ANGPTL2: variants seen among roughly 807,000 people sequenced by gnomAD.
The protein encoded by ANGPTL2 is angiopoietin-related protein 2.
ANGPTL2 carries 25 observed loss-of-function variants against 52.8 expected under a neutral mutation model. The observed-to-expected ratio is 0.47, with a 90% CI of 0.35 to 0.66. ANGPTL2 has a LOEUF of 0.66. ANGPTL2 is among the 30% of genes least tolerant of loss of function. The pLI, the probability that ANGPTL2 is intolerant of heterozygous loss-of-function variation, is 0.01. For synonymous variants in ANGPTL2, 276 were observed against 277.4 expected, an observed-to-expected ratio of 1.00 and a Z score of 0.05; for missense variants, 546 against 656.9, an observed-to-expected ratio of 0.83 and a Z score of 1.84.
rs542731406 is a variant in ANGPTL2 at position 127,111,449 on chromosome 9, G to A, written c.-49-2669C>T. Among the ~76,000 whole-genome samples the A allele has an allele frequency of 2.6e-5, 4 of 152,328 alleles. 1 individual carries two copies. Among genetic ancestry groups the A allele is most frequent in the African/African-American group, 9.6e-5 (4 of 41,576 alleles). On this transcript the variant is annotated intron_variant, in intron 1 of 4. Transcript: ENST00000373425. ...ACCACGTGGCCTGAAATACATAGGA[G>A]CTCAATAAATATTTGTTGATGGAAT...
At chr9:127,120,007 A>T (rs1231137665) in intron 1 of ANGPTL2, among the ~76,000 whole-genome samples, 4 of 152,188 alleles carry the variant, frequency 2.6e-5, no homozygotes, top group African/African-American at 9.7e-5. Flanking sequence ...AGCCCACTGG[A>T]ACCTCAGGGG....
rs115565702 is a variant in ANGPTL2 at position 127,089,812 on chromosome 9, G to A, written c.1283-674C>T. Among the ~76,000 whole-genome samples, 737 of 152,328 alleles carry A rather than the reference G, an allele frequency of 4.8e-3. 9 individuals are homozygous for A. Among genetic ancestry groups the A allele is most frequent in the African/African-American group, 0.017 (703 of 41,554 alleles). On this transcript the variant is annotated intron_variant, in intron 4 of 4. Coordinates refer to ENST00000373425, the MANE Select transcript of ANGPTL2 (RefSeq NM_012098.3). ...GTAAAAACTGTGGGAAGGTGTGCGC[G>A]GGCATGCAGGGGCAGTGCACTCTGT...
intron 3 of ANGPTL2, 88 bp from the exon 4 acceptor site, chr9:127,092,028 A>C (rs1250989950): frequency 5.3e-6 from 8 of 1,515,144 alleles, no homozygotes; most frequent in Admixed American, 1.9e-5. Context: ...CCCTGGATAG[A>C]GGGGCCTGGG....
chr9:127,097,192 C>A (rs568400889), intron 2 of ANGPTL2, among the ~76,000 whole-genome samples: 1 of 152,130 alleles, frequency 6.6e-6, no homozygotes, highest in Non-Finnish European at 1.5e-5. Flanking sequence ...TTTTTTTCTT[C>A]CGTATTTACC....
In ANGPTL2 at chr9:127,088,817, C is replaced by T; in HGVS notation, c.*122G>A. On this transcript the variant is annotated 3_prime_UTR_variant, in exon 5 of 5. Coordinates refer to ENST00000373425, the MANE Select transcript of ANGPTL2 (RefSeq NM_012098.3). ...CTGCAGTGACTTCGGAAAACAGAAT[C>T]CAGCATCCCGGTCCTCCCAGCCTCA... 8.6e-7 allele frequency: 1 copy of T among 1,160,262 alleles called. No individual in the cohort carries two copies. Among genetic ancestry groups the T allele is most frequent in the Non-Finnish European group, 1.3e-6 (1 of 797,910 alleles). 71.9% of individuals were successfully genotyped at this position (1,160,262 alleles called of 1,614,324 possible).
intron 1 of ANGPTL2, among the ~76,000 whole-genome samples, chr9:127,121,881 G>A (rs142589903): frequency 3.0e-4 from 45 of 152,276 alleles, no homozygotes; most frequent in African/African-American, 9.4e-4. Flanking sequence ...ACATTGTCCC[G>A]GCCTGGGGGC....
At chr9:127,112,136 C>T (rs2137260132) in intron 1 of ANGPTL2, among the ~76,000 whole-genome samples, 1 of 152,336 alleles carries the variant, frequency 6.6e-6, no homozygotes, top group African/African-American at 2.4e-5. Context: ...AAGCATGATT[C>T]CTATGGCCTG....
chr9:127,096,350 A>T (rs565213131), intron 2 of ANGPTL2, among the ~76,000 whole-genome samples: 2 of 152,362 alleles, frequency 1.3e-5, no homozygotes, highest in South Asian at 4.1e-4. Flanking sequence ...TCAGCAGCAC[A>T]GGAGAGGCCG....
chr9:127,108,979 G>A (rs2054537223), intron 1 of ANGPTL2, among the ~76,000 whole-genome samples, 199 bp from the exon 2 acceptor site: 1 of 152,312 alleles, frequency 6.6e-6, no homozygotes, highest in Middle Eastern at 3.4e-3. Flanking sequence ...CCCAGCAGAG[G>A]TAGAAGGGAA....
intron 2 of ANGPTL2, among the ~76,000 whole-genome samples, chr9:127,096,796 CT>C (rs1164868826): frequency 6.6e-6 from 1 of 152,204 alleles, no homozygotes; most frequent in African/African-American, 2.4e-5. Context: ...AAACTCCTTG[CT>C]CTAAGAGTAG....
At chr9:127,093,639 CCT>C in intron 3 of ANGPTL2, 92 bp downstream of exon 3, 7 of 1,463,608 alleles carry the variant, frequency 4.8e-6, no homozygotes, top group Non-Finnish European at 6.6e-6. Flanking sequence ...TCAGCATGTA[CCT>C]CTGAGTGGGC....
chr9:127,109,574 G>A (rs543995074), intron 1 of ANGPTL2, among the ~76,000 whole-genome samples: 1 of 152,208 alleles, frequency 6.6e-6, no homozygotes, highest in Non-Finnish European at 1.5e-5. Context: ...ACTGCAACGT[G>A]ATTAAGTTAG....
intron 4 of ANGPTL2, among the ~76,000 whole-genome samples, chr9:127,089,346 C>G (rs2052167127): frequency 6.6e-6 from 1 of 152,182 alleles, no homozygotes; most frequent in Non-Finnish European, 1.5e-5. Context: ...TGTGTGATCT[C>G]AGACAAGTGA....
chr9:127,120,954 C>T (rs1382193742), intron 1 of ANGPTL2, among the ~76,000 whole-genome samples: 4 of 152,134 alleles, frequency 2.6e-5, no homozygotes, highest in African/African-American at 9.7e-5. Context: ...GGCACTAAGC[C>T]AAGGCCTTCC....
intron 2 of ANGPTL2, 113 bp from the exon 3 acceptor site, chr9:127,094,039 G>GC: frequency 8.1e-7 from 1 of 1,240,778 alleles, no homozygotes; most frequent in South Asian, 1.4e-5. Flanking sequence ...GGAGCCACAG[G>GC]CCCACGGTCT....
At chr9:127,103,519 A>G (rs2053932225) in intron 2 of ANGPTL2, among the ~76,000 whole-genome samples, 1 of 152,242 alleles carries the variant, frequency 6.6e-6, no homozygotes, top group South Asian at 2.1e-4. Context: ...AAGGAACCCC[A>G]GAGGATATGT....
intron 2 of ANGPTL2, 108 bp from the exon 3 acceptor site, chr9:127,094,034 C>T: frequency 7.7e-7 from 1 of 1,299,306 alleles, no homozygotes. Flanking sequence ...AGCTGGGAGC[C>T]ACAGGCCCAC....
chr9:127,089,191 C>T (rs1009555657), intron 4 of ANGPTL2, 53 bp from the exon 5 acceptor site: 20 of 1,588,548 alleles, frequency 1.3e-5, no homozygotes, highest in Admixed American at 1.7e-5. Flanking sequence ...ATTCTACTTG[C>T]GTCCATAGTG....
intron 1 of ANGPTL2, among the ~76,000 whole-genome samples, chr9:127,115,085 G>C (rs1564609059): frequency 6.6e-6 from 1 of 152,184 alleles, no homozygotes; most frequent in Non-Finnish European, 1.5e-5. Flanking sequence ...GAATTTGGGT[G>C]CCCAGCTGTA....
Sources: allele counts gnomAD v4.1 joint callset (sites outside exome capture counted in the v4.1 genomes callset), GRCh38; gene constraint gnomAD v4.1.1; transcripts MANE v1.5; gene names NCBI Gene and HGNC (gene_info 2026-07-23, HGNC 2026-07-21).